The following RCAN1 variants were observed in gnomAD, a reference collection of about 807,000 sequenced individuals.
RCAN1 encodes calcipressin-1.
In RCAN1, 11 loss-of-function variants were observed where a neutral mutation model predicts 22.9. That is an observed-to-expected ratio of 0.48 (90% CI 0.30 to 0.79). The LOEUF is 0.79. Among genes scored for constraint, RCAN1 ranks in the 30% least tolerant of loss-of-function variants. RCAN1 has a pLI of 0.06. For synonymous variants in RCAN1, 136 were observed against 142.3 expected (o/e 0.96, Z 0.32); for missense variants, 291 against 337.8 (o/e 0.86, Z 1.09).
chr21:34,591,621 T>G (rs1987976741), intron 1 of RCAN1, among the ~76,000 whole-genome samples: 1 of 152,188 alleles, frequency 6.6e-6, no homozygotes, highest in South Asian at 2.1e-4. Context: ...GCAACTATTT[T>G]AAGACTAAAT....
chr21:34,563,945 G>A (rs577862094), intron 1 of RCAN1, among the ~76,000 whole-genome samples: 16 of 151,166 alleles, frequency 1.1e-4, no homozygotes, highest in East Asian at 3.9e-4. Flanking sequence ...TAGCGTGGGC[G>A]ACAGAGTGAG....
intron 2 of RCAN1, 92 bp from the exon 3 acceptor site, chr21:34,521,750 G>A: frequency 9.3e-7 from 1 of 1,078,390 alleles, no homozygotes; most frequent in Non-Finnish European, 1.3e-6. Flanking sequence ...GAGATGGGCA[G>A]GTCAATGTCC....
chr21:34,590,308 T>A (rs754715789), intron 1 of RCAN1, among the ~76,000 whole-genome samples: 47 of 152,260 alleles, frequency 3.1e-4, no homozygotes, highest in Non-Finnish European at 5.7e-4. Context: ...GTCTCTCCCA[T>A]GAAAATGTGC....
chr21:34,581,210 C>T (rs1426904021), intron 1 of RCAN1, among the ~76,000 whole-genome samples: 2 of 151,968 alleles, frequency 1.3e-5, no homozygotes, highest in Non-Finnish European at 2.9e-5. Context: ...ATGGAAAGAT[C>T]CCTATTCCAA....
chr21:34,523,326 T>C (rs184069024), intron 2 of RCAN1, among the ~76,000 whole-genome samples: 6 of 152,280 alleles, frequency 3.9e-5, no homozygotes, highest in Admixed American at 3.9e-4. Context: ...CCCAGGAAGG[T>C]CAGGGGCAAT....
chr21:34,614,351 C>A lies in RCAN1; in HGVS notation c.252+409G>T, dbSNP rs960722288. The stretch of plus-strand genomic sequence containing the variant: ...GTCGTCCTATTTATGAACACTGAGT[C>A]ACGTCGCCGCTCAATGTCTGTTTCC... On this transcript the variant is annotated intron_variant, in intron 1 of 3. Coordinates refer to ENST00000313806, the MANE Select transcript of RCAN1 (RefSeq NM_004414.7). The surrounding 1 kb of genome is among the most constrained non-coding windows in gnomAD (Gnocchi z 6.0). The A allele has an allele frequency of 4.0e-6, 4 of 990,654 alleles. No homozygotes were observed. Among genetic ancestry groups the A allele is most frequent in the Admixed American group, 1.2e-4 (2 of 16,420 alleles). The allele number at this position is 990,654 out of a possible 1,614,324, so 61.4% of individuals were successfully genotyped here. A position where few individuals can be genotyped will look rare whatever the true frequency, so the allele number is the denominator to read the frequency against.
At chr21:34,556,300 C>T (rs1986570046) in intron 1 of RCAN1, among the ~76,000 whole-genome samples, 1 of 150,734 alleles carries the variant, frequency 6.6e-6, no homozygotes, top group Non-Finnish European at 1.5e-5. Flanking sequence ...GTGGTGTGCG[C>T]CTCTAGTCCC....
At chr21:34,571,582 G>A (rs1480366917) in intron 1 of RCAN1, among the ~76,000 whole-genome samples, 1 of 151,926 alleles carries the variant, frequency 6.6e-6, no homozygotes, top group East Asian at 1.9e-4. Context: ...TTTGAGACAG[G>A]GTCTCACTCT....
intron 1 of RCAN1, among the ~76,000 whole-genome samples, chr21:34,527,709 A>T (rs1341451582): frequency 1.3e-5 from 2 of 152,198 alleles, no homozygotes; most frequent in East Asian, 3.8e-4. Flanking sequence ...CAGAGGTTGC[A>T]ATTTTTTGAA....
intron 1 of RCAN1, among the ~76,000 whole-genome samples, chr21:34,595,551 G>A (rs1988119566): frequency 2.0e-5 from 3 of 152,206 alleles, no homozygotes; most frequent in African/African-American, 7.2e-5. Context: ...ATGAGCCCCG[G>A]AGCCCAGGCT....
chr21:34,562,445 G>A (rs1464365092), intron 1 of RCAN1, among the ~76,000 whole-genome samples: 2 of 152,192 alleles, frequency 1.3e-5, no homozygotes, highest in African/African-American at 4.8e-5. Flanking sequence ...GGCAAGGGGA[G>A]CATGCACAGA....
chr21:34,523,481 T>G (rs1200541032), intron 2 of RCAN1, 56 bp downstream of exon 2: 5 of 1,574,618 alleles, frequency 3.2e-6, no homozygotes, highest in African/African-American at 1.4e-5. Context: ...TAAGCTGCTT[T>G]ACAAAAGGGA....
chr21:34,597,987 T>C (rs1988219337), intron 1 of RCAN1, among the ~76,000 whole-genome samples: 1 of 152,150 alleles, frequency 6.6e-6, no homozygotes, highest in African/African-American at 2.4e-5. Context: ...ATTAAAGAAA[T>C]AGATAGGGTC....
chr21:34,574,811 C>CTAGA (rs762943038), intron 1 of RCAN1, among the ~76,000 whole-genome samples: 11 of 152,330 alleles, frequency 7.2e-5, no homozygotes, highest in Non-Finnish European at 1.5e-4. Flanking sequence ...GCGTCAGAAG[C>CTAGA]TAGACCTACT....
At chr21:34,609,626 ATTTTT>A (rs1988630980) in intron 1 of RCAN1, among the ~76,000 whole-genome samples, 1 of 152,228 alleles carries the variant, frequency 6.6e-6, no homozygotes, top group African/African-American at 2.4e-5. Context: ...CACAAAGCCT[ATTTTT>A]TGTTCCTTTA....
Position 34,521,188 on chromosome 21 carries a change from G to A in RCAN1, c.586+311C>T, listed in dbSNP as rs548331440. 4.3e-4 allele frequency: 585 copies of A among 1,355,876 alleles called. 6 individuals are homozygous for A. The East Asian group carries it at 0.015, about 35-fold the overall frequency. The allele number at this position is 1,355,876 out of a possible 1,614,324, so 84.0% of individuals were successfully genotyped here. The stretch of plus-strand genomic sequence containing the variant: ...ATCCGGAGCGACAGAACCTGGGGCC[G>A]GGGCTCAGGCCTCCCACGCAGGCTG... On this transcript the variant is annotated intron_variant, in intron 3 of 3. Transcript: ENST00000313806.
chr21:34,584,492 A>C (rs1210587596), intron 1 of RCAN1, among the ~76,000 whole-genome samples: 1 of 152,212 alleles, frequency 6.6e-6, no homozygotes, highest in Non-Finnish European at 1.5e-5. Flanking sequence ...CCTCAAATAC[A>C]TCCCTCTTGC....
In RCAN1 at chr21:34,614,367, G is replaced by A. The variant is rs551209166; in HGVS notation, c.252+393C>T. 14 of 992,038 alleles carry A rather than the reference G, an allele frequency of 1.4e-5. No homozygotes were observed. The highest frequency in any genetic ancestry group is 1.7e-5 in the African/African-American group (1 of 57,658). 61.5% of individuals were successfully genotyped at this position (992,038 alleles called of 1,614,324 possible). A position where few individuals can be genotyped will look rare whatever the true frequency, so the allele number is the denominator to read the frequency against. ...ACACTGAGTCACGTCGCCGCTCAATGTCTGTTTCCTCCTCCCTAGGAATGA... is the reference window on the plus strand; with the variant it reads ...ACACTGAGTCACGTCGCCGCTCAATATCTGTTTCCTCCTCCCTAGGAATGA... On this transcript the variant is annotated intron_variant, in intron 1 of 3. Transcript: ENST00000313806. This position sits in a 1 kb window ranked among gnomAD's most constrained non-coding sequence, Gnocchi z 6.0.
intron 1 of RCAN1, among the ~76,000 whole-genome samples, chr21:34,552,964 A>C (rs1051864790): frequency 1.3e-5 from 2 of 152,218 alleles, no homozygotes; most frequent in African/African-American, 4.8e-5. Flanking sequence ...TAATAGGATG[A>C]TAGAAGACTG....
Sources: allele counts gnomAD v4.1 joint callset (sites outside exome capture counted in the v4.1 genomes callset), GRCh38; gene constraint gnomAD v4.1.1; non-coding constraint Gnocchi (gnomAD v3.1); transcripts MANE v1.5; gene names NCBI Gene and HGNC (gene_info 2026-07-23, HGNC 2026-07-21).